TENM2: variants seen among roughly 807,000 people sequenced by gnomAD.
The protein encoded by TENM2 is teneurin transmembrane protein 2.
A neutral mutation model predicts 245.2 loss-of-function variants in TENM2; 52 were observed. The observed-to-expected ratio is 0.21, with a 90% confidence interval of 0.17 to 0.27. TENM2 has a LOEUF of 0.27. TENM2 is among the 10% of genes least tolerant of loss of function. TENM2 has a pLI of 1.00. For synonymous variants in TENM2, 1,363 were observed against 1,438.9 expected, an observed-to-expected ratio of 0.95 and a Z score of 1.19; for missense variants, 3,046 against 3,666.8, an observed-to-expected ratio of 0.83 and a Z score of 4.37.
chr5:167,939,888 G>A (rs540996197), intron 3 of TENM2, among the ~76,000 whole-genome samples: 1 of 152,340 alleles, frequency 6.6e-6, no homozygotes, highest in East Asian at 1.9e-4. Context: ...GTGATGAAAA[G>A]TGAACATTTT....
At chr5:166,983,748 G>C in the TENM2 span, among the ~76,000 whole-genome samples, 1 of 152,052 alleles carries the variant, frequency 6.6e-6, no homozygotes, top group East Asian at 1.9e-4. Flanking sequence ...TGTTTGGGGG[G>C]AAAGAGAGGG....
intron 2 of TENM2, among the ~76,000 whole-genome samples, chr5:167,697,694 T>C (rs1348529921): frequency 1.3e-5 from 2 of 152,258 alleles, no homozygotes; most frequent in Admixed American, 1.3e-4. Context: ...CCAGCTAATT[T>C]TTGTATTTTT....
rs1778736552 is a variant in TENM2, at chr5:167,936,571, C to G, written c.713-16017C>G. Among the ~76,000 whole-genome samples the G allele has an allele frequency of 2.0e-5, 3 of 152,212 alleles. No individual in the cohort carries two copies. In the South Asian group the frequency reaches 6.2e-4, roughly 32 times the overall value. On this transcript the variant is annotated intron_variant, in intron 3 of 28. Coordinates refer to ENST00000518659, the Ensembl canonical transcript of TENM2. Reference sequence around the variant, plus strand: ...AAATGGCTCCTACCGTTAAGCAAGTCTTTCCCCCATCCATTGAAGCAAGTC... The same window carrying G: ...AAATGGCTCCTACCGTTAAGCAAGTGTTTCCCCCATCCATTGAAGCAAGTC...
chr5:168,228,052 T>C (rs1453135233), exon 25 of TENM2: 7 of 1,613,820 alleles, frequency 4.3e-6, no homozygotes, highest in Middle Eastern at 1.6e-4. Context: ...CTATGGAGAA[T>C]GGCTTAAACT....
At chr5:167,262,097 C>T in the TENM2 span, among the ~76,000 whole-genome samples, 2 of 152,002 alleles carry the variant, frequency 1.3e-5, no homozygotes, top group South Asian at 4.2e-4. Flanking sequence ...AAATTGGGGT[C>T]CCTTTGGGTA....
chr5:167,541,046 A>C (rs1469990964), intron 2 of TENM2, among the ~76,000 whole-genome samples: 1 of 152,176 alleles, frequency 6.6e-6, no homozygotes, highest in Non-Finnish European at 1.5e-5. Context: ...CACCTGTTTC[A>C]TGAATAAGAT....
chr5:167,069,311 T>C, the TENM2 span, among the ~76,000 whole-genome samples: 1 of 152,204 alleles, frequency 6.6e-6, no homozygotes, highest in Non-Finnish European at 1.5e-5. Context: ...ATATGTAGTC[T>C]GGTGTTTGCT....
At chr5:167,800,620 A>G (rs1231970728) in intron 2 of TENM2, among the ~76,000 whole-genome samples, 1 of 152,196 alleles carries the variant, frequency 6.6e-6, no homozygotes, top group East Asian at 1.9e-4. Context: ...TGCAGCATGC[A>G]TAATCTGATG....
chr5:167,343,617 G>T (rs116640679), intron 1 of TENM2, among the ~76,000 whole-genome samples: 1 of 152,156 alleles, frequency 6.6e-6, no homozygotes, highest in Non-Finnish European at 1.5e-5. Flanking sequence ...GCTATCTTCT[G>T]CAGTCTGCCC....
At position 167,857,295 on chromosome 5, in the gene TENM2, C is replaced by T. The variant is rs552659017; in HGVS notation, c.503-18691C>T. Among the ~76,000 whole-genome samples, 7 of 152,270 alleles carry T rather than the reference C, an allele frequency of 4.6e-5. No individual in the cohort carries two copies. In the South Asian group the frequency reaches 1.5e-3, roughly 32 times the overall value. On this transcript the variant is annotated intron_variant, in intron 2 of 28. Transcript: ENST00000518659. Reference sequence around the variant, plus strand: ...TTTTTCCAAACCAGCTTATAAATGTCCATTCTGTTTTTCATAGGACATGGC... The same window carrying T: ...TTTTTCCAAACCAGCTTATAAATGTTCATTCTGTTTTTCATAGGACATGGC...
chr5:167,694,478 T>A (rs1757634003), intron 2 of TENM2, among the ~76,000 whole-genome samples: 1 of 152,228 alleles, frequency 6.6e-6, no homozygotes, highest in Admixed American at 6.5e-5. Context: ...TCTGTGCCTG[T>A]GTTTGACGAA....
chr5:167,089,759 A>G, the TENM2 span, among the ~76,000 whole-genome samples: 1 of 152,164 alleles, frequency 6.6e-6, no homozygotes, highest in Non-Finnish European at 1.5e-5. Context: ...GAGAGATTTT[A>G]AGGAAGAAAT....
At chr5:167,288,454 C>G (rs924318570) in intron 1 of TENM2, among the ~76,000 whole-genome samples, 11 of 151,226 alleles carry the variant, frequency 7.3e-5, no homozygotes, top group Admixed American at 1.3e-4. Flanking sequence ...AGCTACTCAG[C>G]AGGCTGAGGC....
At chr5:167,308,894 T>C (rs1330386947) in intron 1 of TENM2, among the ~76,000 whole-genome samples, 1 of 152,128 alleles carries the variant, frequency 6.6e-6, no homozygotes, top group Non-Finnish European at 1.5e-5. Context: ...GAAACCATTT[T>C]GGGGGTGAAG....
chr5:167,573,599 C>A (rs1157338229), intron 2 of TENM2, among the ~76,000 whole-genome samples: 1 of 151,840 alleles, frequency 6.6e-6, no homozygotes, highest in African/African-American at 2.4e-5. Flanking sequence ...TCTCTCTCCT[C>A]CTGCCTTTGA....
intron 15 of TENM2, among the ~76,000 whole-genome samples, chr5:168,195,897 G>A (rs1379630916): frequency 1.3e-5 from 2 of 152,050 alleles, no homozygotes; most frequent in African/African-American, 2.4e-5. Context: ...ACGTGTACCC[G>A]TTCAGCCTCC....
intron 2 of TENM2, among the ~76,000 whole-genome samples, chr5:167,785,537 G>A (rs1764517308): frequency 6.6e-6 from 1 of 152,074 alleles, no homozygotes; most frequent in Non-Finnish European, 1.5e-5. Flanking sequence ...AGGACCCATG[G>A]GATGCTTCAC....
chr5:167,010,432 C>T, the TENM2 span, among the ~76,000 whole-genome samples: 2 of 152,134 alleles, frequency 1.3e-5, no homozygotes, highest in East Asian at 1.9e-4. Flanking sequence ...GGAAGTCAAA[C>T]CCTCTGCCCA....
At chr5:168,260,580 G>A (rs368703604) in intron 28 of TENM2, among the ~76,000 whole-genome samples, 167 bp downstream of exon 30, 17 of 152,164 alleles carry the variant, frequency 1.1e-4, no homozygotes, top group East Asian at 9.6e-4. Flanking sequence ...CAGTGCTGTC[G>A]CCTGTCTGGC....
Sources: gnomAD v4.1 joint callset for allele counts (sites outside exome capture counted in the v4.1 genomes callset) on GRCh38, gnomAD v4.1.1 for gene constraint, MANE v1.5 for transcripts, NCBI Gene and HGNC (gene_info 2026-07-23, HGNC 2026-07-21) for gene names.